The following ZNF83 variants were observed in gnomAD, a reference collection of about 807,000 sequenced individuals.
ZNF83 encodes zinc finger protein 816B.
For missense variants in ZNF83, 552 were observed against 629.9 expected, an observed-to-expected ratio of 0.88 and a Z score of 1.32; for synonymous variants, 209 against 213.0, an observed-to-expected ratio of 0.98 and a Z score of 0.17.
upstream of ZNF83, among the ~76,000 whole-genome samples, chr19:52,640,343 CAG>C (rs1045791296): frequency 6.6e-6 from 1 of 152,122 alleles, no homozygotes; most frequent in African/African-American, 2.4e-5. Flanking sequence ...CAGGGAAAGA[CAG>C]AGAATCTTTA....
intron 2 of ZNF83, among the ~76,000 whole-genome samples, chr19:52,632,598 CT>C (rs2061008373): frequency 6.6e-6 from 1 of 152,162 alleles, no homozygotes; most frequent in South Asian, 2.1e-4. Flanking sequence ...CAGCTGATAT[CT>C]CCTAGTGCTG....
intron 1 of ZNF83, among the ~76,000 whole-genome samples, chr19:52,674,474 T>G (rs2061771518): frequency 2.0e-5 from 3 of 152,056 alleles, no homozygotes; most frequent in Non-Finnish European, 2.9e-5. Flanking sequence ...CAGAAAGAAA[T>G]AAATAAAATT....
chr19:52,652,715 C>A, intron 3 of ZNF83: 1 of 677,548 alleles, frequency 1.5e-6, no homozygotes, highest in Non-Finnish European at 2.6e-6. Context: ...TTGTGAGAAT[C>A]ATTACATTTG....
exon 2 of ZNF83, chr19:52,635,131 C>T (rs2147189353): frequency 1.5e-6 from 1 of 676,924 alleles, no homozygotes; most frequent in Non-Finnish European, 2.6e-6. Context: ...TCCTCATGTA[C>T]CAAGAGTCCT....
chr19:52,671,537 G>A (rs1177981008), intron 1 of ZNF83, among the ~76,000 whole-genome samples: 1 of 151,886 alleles, frequency 6.6e-6, no homozygotes, highest in Non-Finnish European at 1.5e-5. Context: ...TCAACCTCTG[G>A]TGCTCAAGCA....
At chr19:52,670,082 G>C (rs940062142) in intron 1 of ZNF83, among the ~76,000 whole-genome samples, 3 of 151,634 alleles carry the variant, frequency 2.0e-5, no homozygotes, top group African/African-American at 7.3e-5. Context: ...AACCTTTTTC[G>C]ATCACCTGCT....
At chr19:52,681,303 C>CAAAAAAAAAAAAAAAA (rs1189423006) in intron 1 of ZNF83, among the ~76,000 whole-genome samples, 38 of 78,260 alleles carry the variant, frequency 4.9e-4, no homozygotes, top group Middle Eastern at 7.8e-3. Flanking sequence ...AAAAAAAAAG[C>CAAAAAAAAAAAAAAAA]AAACGAACAT....
At chr19:52,632,315 C>T (rs958844243) in intron 2 of ZNF83, among the ~76,000 whole-genome samples, 2 of 152,178 alleles carry the variant, frequency 1.3e-5, no homozygotes, top group Admixed American at 6.5e-5. Context: ...GCTCAGCCAC[C>T]AACTTAAAAA....
rs190784407 is a variant in ZNF83, at chr19:52,627,844, G to A, written c.-234+7222C>T. On this transcript the variant is annotated intron_variant, in intron 2 of 2. Coordinates refer to ENST00000301096, the Ensembl canonical transcript of ZNF83. ...AGCCATCATATCCCGTGACCTGCAC[G>A]TACACATCCAGATGGCCAGTTCCTT... is the stretch of plus-strand genomic sequence containing the variant. Among the ~76,000 whole-genome samples, 347 of 152,172 alleles carry A rather than the reference G, an allele frequency of 2.3e-3. 6 individuals are homozygous for A. The highest frequency in any genetic ancestry group is 3.4e-3 in the Middle Eastern group (1 of 294).
At chr19:52,663,630 T>C (rs1162633711) in intron 1 of ZNF83, among the ~76,000 whole-genome samples, 1 of 152,190 alleles carries the variant, frequency 6.6e-6, no homozygotes. Flanking sequence ...GAGTACACAT[T>C]GAAACAACCT....
intron 2 of ZNF83, among the ~76,000 whole-genome samples, chr19:52,623,794 A>C (rs2060635118): frequency 6.6e-6 from 1 of 152,152 alleles, no homozygotes; most frequent in Non-Finnish European, 1.5e-5. Context: ...GAGCTTCTAA[A>C]GTCTAAAAAC....
At chr19:52,618,660 G>T in intron 2 of ZNF83, 1 of 490,470 alleles carries the variant, frequency 2.0e-6, no homozygotes, top group Non-Finnish European at 3.4e-6. Flanking sequence ...GCCTCCCAAA[G>T]TGCTGGGATT....
intron 1 of ZNF83, among the ~76,000 whole-genome samples, chr19:52,638,027 T>C (rs996056493): frequency 2.0e-5 from 3 of 151,756 alleles, no homozygotes; most frequent in Non-Finnish European, 2.9e-5. Flanking sequence ...GTGAGGACTT[T>C]AAAAAGCGAG....
intron 2 of ZNF83, among the ~76,000 whole-genome samples, chr19:52,620,168 A>T (rs778660724): frequency 5.1e-4 from 78 of 152,150 alleles, no homozygotes; most frequent in African/African-American, 4.1e-4. Flanking sequence ...AAGGGTTGTC[A>T]TTTTCCCCAG....
chr19:52,687,586 A>G (rs2062056356), intron 1 of ZNF83, among the ~76,000 whole-genome samples: 3 of 39,300 alleles, frequency 7.6e-5, no homozygotes, highest in African/African-American at 5.4e-4. Context: ...TTTTATATAT[A>G]TATATATATA....
chr19:52,673,111 A>G (rs1013986402), intron 1 of ZNF83, among the ~76,000 whole-genome samples: 1 of 152,206 alleles, frequency 6.6e-6, no homozygotes, highest in Non-Finnish European at 1.5e-5. Flanking sequence ...CAGGAGACTG[A>G]GGCATGAGAA....
At chr19:52,614,364 A>G (rs1406998549) in exon 3 of ZNF83, 1 of 1,612,930 alleles carries the variant, frequency 6.2e-7, no homozygotes, top group South Asian at 1.1e-5. Flanking sequence ...ATGTATGAGA[A>G]ATGTGGGTTT....
intron 2 of ZNF83, among the ~76,000 whole-genome samples, chr19:52,628,916 A>T (rs2060845698): frequency 2.7e-5 from 4 of 150,378 alleles, no homozygotes; most frequent in Admixed American, 2.0e-4. Flanking sequence ...CCATGCCCTG[A>T]CCTCATATCT....
intron 3 of ZNF83, among the ~76,000 whole-genome samples, chr19:52,649,778 C>T (rs1013643195): frequency 6.6e-6 from 1 of 151,994 alleles, no homozygotes; most frequent in African/African-American, 2.4e-5. Flanking sequence ...AGCCATTTAG[C>T]AAGCCATTGC....
Sources: gnomAD v4.1 joint callset for allele counts (sites outside exome capture counted in the v4.1 genomes callset) on GRCh38, gnomAD v4.1.1 for gene constraint, MANE v1.5 for transcripts, NCBI Gene and HGNC (gene_info 2026-07-23, HGNC 2026-07-21) for gene names.